The following TLE1 variants were observed in gnomAD, a reference collection of about 807,000 sequenced individuals.
The protein encoded by TLE1 is transducin-like enhancer protein 1.
A neutral mutation model predicts 89.8 loss-of-function variants in TLE1; 21 were observed. The ratio of observed to expected loss-of-function variants is 0.23; its 90% CI spans 0.17 to 0.34. The LOEUF is 0.34. Among genes scored for constraint, TLE1 ranks in the 10% least tolerant of loss-of-function variants. The pLI, the probability that TLE1 is intolerant of heterozygous loss-of-function variation, is 1.00. For missense variants in TLE1, 795 were observed against 1,031.2 expected (o/e 0.77, Z 3.14); for synonymous variants, 447 against 407.6 (o/e 1.10, Z -1.16).
At chr9:81,616,335 C>T (rs1025832806) in intron 10 of TLE1, among the ~76,000 whole-genome samples, 6 of 152,018 alleles carry the variant, frequency 3.9e-5, no homozygotes, top group South Asian at 4.1e-4. Context: ...AAAAAAACCC[C>T]GCAGTCATAT....
Position 81,629,671 on chromosome 9 carries a change from C to T in TLE1, c.594+3677G>A, listed in dbSNP as rs1826330303. ...GTTTACACAAACCTGGGTGGTATAG[C>T]CTACTACACACCTAGGCTACTGCTC... On this transcript the variant is annotated intron_variant, in intron 8 of 19. Transcript: ENST00000376499. Among the ~76,000 whole-genome samples the T allele has an allele frequency of 8.5e-5, 13 of 152,304 alleles. No individual in the cohort carries two copies. In the South Asian group the frequency reaches 2.7e-3, roughly 32 times the overall value.
At chr9:81,637,110 C>A (rs1317369899) in intron 6 of TLE1, among the ~76,000 whole-genome samples, 4 of 152,114 alleles carry the variant, frequency 2.6e-5, no homozygotes, top group African/African-American at 9.7e-5. Flanking sequence ...GTAATCCCAG[C>A]ACTTTGGGAG....
At chr9:81,644,523 A>C (rs1162920770) in intron 6 of TLE1, among the ~76,000 whole-genome samples, 1 of 152,222 alleles carries the variant, frequency 6.6e-6, no homozygotes, top group Non-Finnish European at 1.5e-5. Context: ...AAATTCATAG[A>C]GATGGATAAG....
chr9:81,686,845 C>T lies in TLE1; in HGVS notation c.125+489G>A, dbSNP rs537365196. On this transcript the variant is annotated intron_variant, in intron 2 of 19. Coordinates refer to ENST00000376499, the MANE Select transcript of TLE1 (RefSeq NM_005077.5). ...GAGCTTTCTTCTTTATACTATTATA[C>T]CCACCTCCCTCACCATCACCAATGA... is the stretch of plus-strand genomic sequence containing the variant. Among the ~76,000 whole-genome samples, 8 of 152,232 alleles carry T rather than the reference C, an allele frequency of 5.3e-5. No individual in the cohort carries two copies. The South Asian group carries it at 1.5e-3, about 28-fold the overall frequency.
chr9:81,603,951 G>A (rs1006139629), intron 14 of TLE1, among the ~76,000 whole-genome samples: 4 of 152,134 alleles, frequency 2.6e-5, no homozygotes, highest in East Asian at 3.9e-4. Flanking sequence ...GCAGTGAGCC[G>A]AGATTGGGCC....
At chr9:81,644,280 T>C (rs528861719) in intron 6 of TLE1, among the ~76,000 whole-genome samples, 27 of 152,330 alleles carry the variant, frequency 1.8e-4, no homozygotes, top group African/African-American at 3.4e-4. Flanking sequence ...CAAATGTTCA[T>C]AGCAGCATTA....
chr9:81,665,085 A>G (rs1588175043), intron 4 of TLE1, among the ~76,000 whole-genome samples: 1 of 152,186 alleles, frequency 6.6e-6, no homozygotes, highest in African/African-American at 2.4e-5. Context: ...AGTGGAGAGG[A>G]GAGGTCAGGC....
Position 81,603,114 on chromosome 9 carries a change from C to T in TLE1, c.1331+7106G>A, listed in dbSNP as rs151255239. On this transcript the variant is annotated intron_variant, in intron 14 of 19. Transcript: ENST00000376499. Reference sequence around the variant, plus strand: ...ACCGGGCCTTTGCACATGCTGCTCTCTCCACCTAGAGGTTCAGCCCCTTCC... The same window carrying T: ...ACCGGGCCTTTGCACATGCTGCTCTTTCCACCTAGAGGTTCAGCCCCTTCC... Among the ~76,000 whole-genome samples, 380 of 152,332 alleles carry T rather than the reference C, an allele frequency of 2.5e-3. 1 individual carries two copies. Among genetic ancestry groups the T allele is most frequent in the African/African-American group, 8.3e-3 (347 of 41,576 alleles).
chr9:81,633,762 G>C, intron 7 of TLE1: 10 of 471,018 alleles, frequency 2.1e-5, no homozygotes, highest in Non-Finnish European at 3.0e-5. Context: ...TTCTTATTTC[G>C]CCCCATTTAA....
chr9:81,590,756 C>T (rs368143579), intron 16 of TLE1, 49 bp downstream of exon 16: 9 of 1,590,302 alleles, frequency 5.7e-6, no homozygotes, highest in Non-Finnish European at 7.7e-6. Flanking sequence ...GGTGATAGGC[C>T]CAGCTGCTAA....
intron 9 of TLE1, among the ~76,000 whole-genome samples, chr9:81,618,595 AT>A (rs1824851060): frequency 6.6e-6 from 1 of 152,210 alleles, no homozygotes; most frequent in Non-Finnish European, 1.5e-5. Flanking sequence ...TTTTCATGCA[AT>A]AAAGAACAAA....
At position 81,634,296 on chromosome 9, in the gene TLE1, C is replaced by T. The variant is rs1246073726; in HGVS notation, c.378G>A (p.Gln126=). Residue 126 remains glutamine, a synonymous_variant, in exon 7 of 20, where the codon CAG becomes CAA. Transcript: ENST00000376499. Reference sequence around the variant, plus strand: ...GAGAAAGATGCTGAGCTTGCAACTGCTGCTGCTGTTGGTGGTGGTGGTGAG... The same window carrying T: ...GAGAAAGATGCTGAGCTTGCAACTGTTGCTGCTGTTGGTGGTGGTGGTGAG... ...MAELNAIIGQ[Q]QLQAQHLSHG... The T allele has an allele frequency of 6.6e-7, 1 of 1,522,346 alleles. No homozygotes were observed. Among genetic ancestry groups the T allele is most frequent in the East Asian group, 2.4e-5 (1 of 41,502 alleles). The allele number at this position is 1,522,346 out of a possible 1,614,324, so 94.3% of individuals were successfully genotyped here.
intron 6 of TLE1, among the ~76,000 whole-genome samples, chr9:81,643,837 G>A (rs1330312922): frequency 2.6e-5 from 4 of 152,058 alleles, no homozygotes; most frequent in African/African-American, 9.7e-5. Flanking sequence ...TGCCTGGCCT[G>A]TCTTTATTCT....
At chr9:81,602,441 A>C (rs1190099641) in intron 14 of TLE1, among the ~76,000 whole-genome samples, 1 of 152,194 alleles carries the variant, frequency 6.6e-6, no homozygotes, top group Middle Eastern at 3.2e-3. Flanking sequence ...CAGTCTAAAC[A>C]CAAAATTCAT....
chr9:81,677,236 T>C (rs1588232874), intron 4 of TLE1, among the ~76,000 whole-genome samples: 5 of 141,026 alleles, frequency 3.5e-5, no homozygotes, highest in Admixed American at 1.5e-4. Context: ...AGACTCGTCT[T>C]CCCCCCCCCA....
chr9:81,660,115 CACA>C (rs1407952598), intron 4 of TLE1, among the ~76,000 whole-genome samples: 3 of 152,104 alleles, frequency 2.0e-5, no homozygotes, highest in African/African-American at 7.2e-5. Context: ...GCCTTCTCAA[CACA>C]ACAAGATGGG....
At chr9:81,632,545 C>A (rs1826807902) in intron 8 of TLE1, among the ~76,000 whole-genome samples, 1 of 145,752 alleles carries the variant, frequency 6.9e-6, no homozygotes, top group African/African-American at 2.6e-5. Flanking sequence ...AAGAAGGAGG[C>A]AAAACCTGTA....
At chr9:81,626,742 C>A (rs557086770) in intron 8 of TLE1, among the ~76,000 whole-genome samples, 1 of 152,144 alleles carries the variant, frequency 6.6e-6, no homozygotes, top group Non-Finnish European at 1.5e-5. Context: ...GCAGGTGACA[C>A]ACAGGGCCGG....
rs777351562 is a variant in TLE1 at position 81,616,031 on chromosome 9, G to T, written c.869C>A (p.Thr290Lys). The T allele has an allele frequency of 6.2e-7, 1 of 1,613,802 alleles. No homozygotes were observed. The highest frequency in any genetic ancestry group is 8.5e-7 in the Non-Finnish European group (1 of 1,180,000). ...AGAAGTGGAACTTGCCGAGGAGGCC[G>T]TGGAAGCTGGACTGCTAGAAGCATC... ...KKDASSSPAS[T>K]ASSASSTSLK... Residue 290 changes from threonine to lysine, a missense_variant, in exon 11 of 20, where the codon ACG becomes AAG. Physicochemically the swap from Thr to Lys is moderately conservative, Grantham distance 78. Around this residue, in one of 4 missense-constraint regions of TLE1, gnomAD observed 468 missense variants for 509.1 expected, o/e 0.92. Coordinates refer to ENST00000376499, the MANE Select transcript of TLE1 (RefSeq NM_005077.5).
Sources: gnomAD v4.1 joint callset for allele counts (sites outside exome capture counted in the v4.1 genomes callset) on GRCh38, gnomAD v4.1.1 for gene constraint, gnomAD v4.1.1 regional missense constraint, MANE v1.5 for transcripts, NCBI Gene and HGNC (gene_info 2026-07-23, HGNC 2026-07-21) for gene names.